The following CIB2 variants were observed in gnomAD, a reference collection of about 807,000 sequenced individuals.
The protein encoded by CIB2 is calcium and integrin-binding family member 2.
A neutral mutation model predicts 23.1 loss-of-function variants in CIB2; 19 were observed. The ratio of observed to expected loss-of-function variants is 0.82; its 90% CI spans 0.57 to 1.21. The LOEUF (loss-of-function observed/expected upper bound fraction) is 1.21. CIB2 is among the 50% of genes most tolerant of loss of function. The pLI, the probability that CIB2 is intolerant of heterozygous loss-of-function variation, is 0.00. For missense variants in CIB2, 220 were observed against 241.5 expected (o/e 0.91, Z 0.59); for synonymous variants, 94 against 91.7 (o/e 1.03, Z -0.14).
At chr15:78,117,313 G>A (rs547991318) in intron 2 of CIB2, among the ~76,000 whole-genome samples, 2 of 141,312 alleles carry the variant, frequency 1.4e-5, no homozygotes, top group African/African-American at 5.2e-5. Context: ...TGTTGCAGGG[G>A]AACCCTGAAA....
At chr15:78,120,955 C>T (rs1308922487) in intron 2 of CIB2, among the ~76,000 whole-genome samples, 1 of 152,112 alleles carries the variant, frequency 6.6e-6, no homozygotes, top group African/African-American at 2.4e-5. Context: ...GGGCTCCAGG[C>T]CTCAGTTTTG....
Position 78,105,755 on chromosome 15 carries a change from C to T in CIB2, c.526G>A (p.Ala176Thr). The T allele has an allele frequency of 3.7e-6, 6 of 1,614,138 alleles. No homozygotes were observed. Among genetic ancestry groups the T allele is most frequent in the Non-Finnish European group, 5.1e-6 (6 of 1,180,022 alleles). The change falls in exon 5 of 6, where the codon GCC (alanine) becomes ACC (threonine). Residue 176 changes from alanine (A) to threonine (T), a missense_variant. Physicochemically the swap from Ala to Thr is moderately conservative, Grantham distance 58. Transcript: ENST00000258930. ...TGGCAGCACCTGAGGAAGTCAGGGG[C>T]CTTGGCAATCATGTCCTCGAAGTCA... is the stretch of plus-strand genomic sequence containing the variant. ...FADFEDMIAKAPDFLSTFHIR... is the reference protein window; with the variant it reads ...FADFEDMIAKTPDFLSTFHIR...
intron 2 of CIB2, among the ~76,000 whole-genome samples, chr15:78,113,517 C>CTTCT (rs765344309): frequency 0.087 from 12,674 of 144,974 alleles, 1,011 homozygotes; most frequent in African/African-American, 0.21. Context: ...ATTCATGCAT[C>CTTCT]TTCTTTCTTT....
chr15:78,105,208 C>T lies in CIB2; in HGVS notation c.*103G>A. 6.6e-7 allele frequency: 1 copy of T among 1,504,872 alleles called. No individual in the cohort carries two copies. Among genetic ancestry groups the T allele is most frequent in the Non-Finnish European group, 9.2e-7 (1 of 1,092,820 alleles). The allele number at this position is 1,504,872 out of a possible 1,614,324, so 93.2% of individuals were successfully genotyped here. On this transcript the variant is annotated 3_prime_UTR_variant, in exon 6 of 6. Transcript: ENST00000258930. ...CACAGGATATATTTGTGGTGTAAAC[C>T]CCAGAGGCTGCCACTGCTTTCCTGG...
Position 78,131,055 on chromosome 15 carries a change from G to A in CIB2, c.51+110C>T. On this transcript the variant is annotated intron_variant, in intron 1 of 5. Transcript: ENST00000258930. The surrounding 1 kb of genome is among the most constrained non-coding windows in gnomAD (Gnocchi z 5.8). Reference sequence around the variant, plus strand: ...GCGTCGAGCTGAAGGCAGAGGCAGGGTTTGAACCTGGGAGAGCTGGCTCTC... The same window carrying A: ...GCGTCGAGCTGAAGGCAGAGGCAGGATTTGAACCTGGGAGAGCTGGCTCTC... The A allele has an allele frequency of 1.1e-6, 1 of 927,060 alleles. No individual in the cohort carries two copies. Among genetic ancestry groups the A allele is most frequent in the Non-Finnish European group, 1.5e-6 (1 of 645,160 alleles). The allele number at this position is 927,060 out of a possible 1,614,324, so 57.4% of individuals were successfully genotyped here.
intron 4 of CIB2, among the ~76,000 whole-genome samples, chr15:78,108,545 T>A (rs1189059705): frequency 6.6e-6 from 1 of 152,150 alleles, no homozygotes; most frequent in South Asian, 2.1e-4. Flanking sequence ...ACAGCCAGCC[T>A]GAGGGCAGAG....
At chr15:78,128,167 C>T (rs1199247682) in intron 1 of CIB2, among the ~76,000 whole-genome samples, 14 of 152,310 alleles carry the variant, frequency 9.2e-5, no homozygotes, top group Middle Eastern at 3.4e-3. Flanking sequence ...GTGTCAGGCT[C>T]CCTGAGTACT....
chr15:78,122,108 G>T (rs377595896), intron 2 of CIB2, among the ~76,000 whole-genome samples: 27 of 152,214 alleles, frequency 1.8e-4, no homozygotes, highest in African/African-American at 6.5e-4. Flanking sequence ...CACAAGTCTG[G>T]TGGGGAGCTG....
intron 1 of CIB2, 68 bp from the exon 2 acceptor site, chr15:78,123,807 G>A (rs576311744): frequency 1.0e-4 from 158 of 1,555,990 alleles, no homozygotes; most frequent in Middle Eastern, 1.7e-4. Flanking sequence ...CAGAGGCCTC[G>A]ATGCCACAGG....
At position 78,105,800 on chromosome 15, in the gene CIB2, C is replaced by T. The variant is rs766194346; in HGVS notation, c.481G>A (p.Asp161Asn). ...KVIEEADLDG[D>N]GKLGFADFED... ...AAGTCAGCAAAGCCCAGCTTGCCGT[C>T]ACCGTCCAAGTCAGCCTCCTCAATG... is the stretch of plus-strand genomic sequence containing the variant. Residue 161 changes from aspartate (D) to asparagine (N), a missense_variant, in exon 5 of 6, where the codon GAC becomes AAC. Coordinates refer to ENST00000258930, the MANE Select transcript of CIB2 (RefSeq NM_006383.4). The T allele has an allele frequency of 5.0e-6, 8 of 1,614,222 alleles. No individual in the cohort carries two copies. The highest frequency in any genetic ancestry group is 1.6e-4 in the Middle Eastern group (1 of 6,062).
chr15:78,112,855 G>A (rs899900135), intron 2 of CIB2, among the ~76,000 whole-genome samples: 2 of 152,166 alleles, frequency 1.3e-5, no homozygotes, highest in Admixed American at 1.3e-4. Context: ...ACCAGTTCTT[G>A]TGGTCCTGCT....
At chr15:78,129,386 G>A (rs1222821451) in intron 1 of CIB2, among the ~76,000 whole-genome samples, 1 of 152,174 alleles carries the variant, frequency 6.6e-6, no homozygotes, top group East Asian at 1.9e-4. Context: ...GCTGGTTGGA[G>A]TGGGAACCTG....
rs545987788 is a variant in CIB2 at position 78,118,543 on chromosome 15, C to T, written c.86+5162G>A. Reference sequence around the variant, plus strand: ...GGCAGAGGTTGCAGTGAGCCGAGATCGCGCCATTGCACTCCAGCCTGGGTG... The same window carrying T: ...GGCAGAGGTTGCAGTGAGCCGAGATTGCGCCATTGCACTCCAGCCTGGGTG... On this transcript the variant is annotated intron_variant, in intron 2 of 5. Coordinates refer to ENST00000258930, the MANE Select transcript of CIB2 (RefSeq NM_006383.4). Among the ~76,000 whole-genome samples, 12 of 147,886 alleles carry T rather than the reference C, an allele frequency of 8.1e-5. No individual in the cohort carries two copies. The South Asian group carries it at 1.1e-3, about 13-fold the overall frequency.
intron 2 of CIB2, chr15:78,120,461 G>T: frequency 1.4e-6 from 1 of 734,990 alleles, no homozygotes; most frequent in East Asian, 1.3e-4. Context: ...TGGAGTGCTG[G>T]CTGGGTGGGC....
chr15:78,113,264 C>T lies in CIB2; in HGVS notation c.87-1988G>A, dbSNP rs143305789. Among the ~76,000 whole-genome samples the T allele has an allele frequency of 2.1e-3, 319 of 152,254 alleles. 3 individuals carry two copies. Among genetic ancestry groups the T allele is most frequent in the African/African-American group, 7.4e-3 (309 of 41,530 alleles). On this transcript the variant is annotated intron_variant, in intron 2 of 5. Coordinates refer to ENST00000258930, the MANE Select transcript of CIB2 (RefSeq NM_006383.4). ...TGCCCACTTTGCCAGTCGCACATTC[C>T]TATAAAAGGGTCTGAAATTACAAGG... is the stretch of plus-strand genomic sequence containing the variant.
chr15:78,126,535 T>G (rs2074383650), intron 1 of CIB2, among the ~76,000 whole-genome samples: 1 of 152,208 alleles, frequency 6.6e-6, no homozygotes, highest in South Asian at 2.1e-4. Flanking sequence ...TCTTGGCCAC[T>G]GCCTATGACT....
At chr15:78,128,223 A>G (rs2074407317) in intron 1 of CIB2, among the ~76,000 whole-genome samples, 1 of 152,184 alleles carries the variant, frequency 6.6e-6, no homozygotes, top group South Asian at 2.1e-4. Flanking sequence ...AGCCCGTCCC[A>G]AAGAGGTGAG....
At chr15:78,112,563 C>T (rs74824657) in intron 2 of CIB2, among the ~76,000 whole-genome samples, 5,336 of 152,234 alleles carry the variant, frequency 0.035, 135 homozygotes, top group East Asian at 0.15. Flanking sequence ...CGAGACCCTG[C>T]CTCTAAAAAC....
intron 1 of CIB2, among the ~76,000 whole-genome samples, chr15:78,126,364 C>T (rs552345589): frequency 2.0e-5 from 3 of 152,240 alleles, no homozygotes; most frequent in South Asian, 4.1e-4. Context: ...AGGCTGGTCT[C>T]GAACTCCTGA....
Sources: gnomAD v4.1 joint callset for allele counts (sites outside exome capture counted in the v4.1 genomes callset) on GRCh38, gnomAD v4.1.1 for gene constraint, Gnocchi (gnomAD v3.1) non-coding constraint, MANE v1.5 for transcripts, NCBI Gene and HGNC (gene_info 2026-07-23, HGNC 2026-07-21) for gene names.